GRAMD4: variants seen among roughly 807,000 people sequenced by gnomAD.
The protein encoded by GRAMD4 is GRAM domain-containing protein 4.
In GRAMD4, 25 loss-of-function variants were observed where a neutral mutation model predicts 83.9. The ratio of observed to expected loss-of-function variants is 0.30; its 90% CI spans 0.22 to 0.42. GRAMD4 has a LOEUF of 0.42. Among genes scored for constraint, GRAMD4 ranks in the 10% least tolerant of loss-of-function variants. GRAMD4 has a pLI of 1.00. For missense variants in GRAMD4, 593 were observed against 788.7 expected (o/e 0.75, Z 2.97); for synonymous variants, 336 against 320.9 (o/e 1.05, Z -0.50).
rs2082637002 is a variant in GRAMD4 at position 46,678,865 on chromosome 22, C to T, written c.*1614C>T. 1 of 985,936 alleles carries T rather than the reference C, an allele frequency of 1.0e-6. No homozygotes were observed. The highest frequency in any genetic ancestry group is 6.1e-5 in the Admixed American group (1 of 16,272). The allele number at this position is 985,936 out of a possible 1,614,324, so 61.1% of individuals were successfully genotyped here. A position where few individuals can be genotyped will look rare whatever the true frequency, so the allele number is the denominator to read the frequency against. Reference sequence around the variant, plus strand: ...GCTGCGCCGATCACCAGATTAAGCACATGTCCTATCCCAGGCGGTGGAGCG... The same window carrying T: ...GCTGCGCCGATCACCAGATTAAGCATATGTCCTATCCCAGGCGGTGGAGCG... On this transcript the variant is annotated 3_prime_UTR_variant, in exon 19 of 19. Coordinates refer to ENST00000406902, the MANE Select transcript of GRAMD4 (RefSeq NM_015124.5).
chr22:46,670,938 G>A lies in GRAMD4; in HGVS notation c.1085-1905G>A, dbSNP rs1347925890. On this transcript the variant is annotated intron_variant, in intron 13 of 18. Transcript: ENST00000406902. ...TTTTTTGTGACACCCAGTGTGGTTT[G>A]GGTTCTCACAACCACCCTGAGATCA... The A allele has an allele frequency of 2.6e-5, 7 of 267,492 alleles. No homozygotes were observed. The East Asian group carries it at 7.0e-4, about 27-fold the overall frequency. The allele number at this position is 267,492 out of a possible 1,614,324, so 16.6% of individuals were successfully genotyped here. A position where few individuals can be genotyped will look rare whatever the true frequency, so the allele number is the denominator to read the frequency against.
intron 1 of GRAMD4, among the ~76,000 whole-genome samples, chr22:46,624,239 G>T (rs186384473): frequency 1.5e-5 from 2 of 133,784 alleles, no homozygotes; most frequent in East Asian, 2.2e-4. Flanking sequence ...TTTTTACTTA[G>T]TGGCTTTTTT....
intron 1 of GRAMD4, among the ~76,000 whole-genome samples, chr22:46,608,957 C>T (rs368697652): frequency 2.0e-5 from 3 of 151,282 alleles, no homozygotes; most frequent in East Asian, 1.9e-4. Flanking sequence ...TAGTACCAGC[C>T]GCCCCAGAGG....
At chr22:46,664,406 G>A (rs1370669793) in intron 8 of GRAMD4, among the ~76,000 whole-genome samples, 2 of 152,236 alleles carry the variant, frequency 1.3e-5, no homozygotes, top group Non-Finnish European at 2.9e-5. Context: ...CTTGGGAAAG[G>A]CCTCTTGGCA....
intron 1 of GRAMD4, among the ~76,000 whole-genome samples, chr22:46,611,922 G>A (rs934559118): frequency 7.1e-6 from 1 of 141,182 alleles, no homozygotes; most frequent in Non-Finnish European, 1.5e-5. Context: ...GTGTGAACCC[G>A]GGAAGCGGAG....
At chr22:46,660,494 G>A (rs1379254680) in intron 4 of GRAMD4, among the ~76,000 whole-genome samples, 7 of 152,186 alleles carry the variant, frequency 4.6e-5, no homozygotes, top group South Asian at 2.1e-4. Flanking sequence ...ACACATGTGC[G>A]CACACACTGC....
rs200755419 is a variant in GRAMD4, at chr22:46,584,625, G to T, written c.-50+7335G>T. Among the ~76,000 whole-genome samples the T allele has an allele frequency of 2.6e-5, 4 of 152,136 alleles. No homozygotes were observed. In the East Asian group the frequency reaches 7.7e-4, roughly 29 times the overall value. ...TGGGACCCCCCGGGAAGCAGTTCCC[G>T]ATCCCTTGGCTTCGAGCCCGGGCTC... On this transcript the variant is annotated intron_variant, in intron 1 of 1. Transcript: ENST00000431155.
At chr22:46,666,735 C>T in intron 9 of GRAMD4, 90 bp from the exon 10 acceptor site, 1 of 1,127,894 alleles carries the variant, frequency 8.9e-7, no homozygotes, top group South Asian at 1.2e-5. Flanking sequence ...CCCCTCCAAG[C>T]CCAGCTGGGC....
At chr22:46,663,984 C>T (rs1000537977) in intron 7 of GRAMD4, 42 bp from the exon 8 acceptor site, 15 of 1,581,640 alleles carry the variant, frequency 9.5e-6, no homozygotes, top group Middle Eastern at 1.7e-4. Flanking sequence ...TAAGCGGCCT[C>T]CTACCCACAG....
intron 15 of GRAMD4, among the ~76,000 whole-genome samples, chr22:46,674,269 C>A (rs896884476): frequency 6.6e-6 from 1 of 152,152 alleles, no homozygotes; most frequent in African/African-American, 2.4e-5. Flanking sequence ...GTGTGATGAG[C>A]GGCTGCAGAG....
intron 1 of GRAMD4, among the ~76,000 whole-genome samples, chr22:46,613,385 T>C (rs572970539): frequency 1.6e-4 from 24 of 152,304 alleles, no homozygotes; most frequent in African/African-American, 5.3e-4. Flanking sequence ...GCCCCGGTGG[T>C]ACTTAGGGCG....
upstream of GRAMD4, among the ~76,000 whole-genome samples, chr22:46,618,567 C>G (rs1048346620): frequency 2.0e-5 from 3 of 152,074 alleles, no homozygotes; most frequent in Non-Finnish European, 4.4e-5. The surrounding 1 kb of genome is among the most constrained non-coding windows in gnomAD (Gnocchi z 5.8). Flanking sequence ...CGTGTTGACC[C>G]GGGTGCGTGG....
rs1239249432 is a variant in GRAMD4 at position 46,577,462 on chromosome 22, G to A, written c.-50+172G>A. On this transcript the variant is annotated intron_variant, in intron 1 of 1. Transcript: ENST00000431155. Reference sequence around the variant, plus strand: ...TCCGAGCAGGGCCCTGCGCGGGCGCGCCCCGCACACGCCCCCGGGTCCCGC... The same window carrying A: ...TCCGAGCAGGGCCCTGCGCGGGCGCACCCCGCACACGCCCCCGGGTCCCGC... 6.7e-5 allele frequency among the ~76,000 whole-genome samples: 10 copies of A among 149,044 alleles called. No homozygotes were observed. In the East Asian group the frequency reaches 1.4e-3, roughly 21 times the overall value.
rs1188852809 is a variant in GRAMD4 at position 46,622,614 on chromosome 22, T to G, written c.-50+2049T>G. Among the ~76,000 whole-genome samples the G allele has an allele frequency of 6.6e-6, 1 of 152,120 alleles. No individual in the cohort carries two copies. The highest frequency in any genetic ancestry group is 1.5e-5 in the Non-Finnish European group (1 of 68,016). On this transcript the variant is annotated intron_variant, in intron 1 of 18. Transcript: ENST00000406902. The surrounding 1 kb of genome is among the most constrained non-coding windows in gnomAD (Gnocchi z 4.0). ...TAATTTATGCCACGGAGCTGCACGC[T>G]AAAAACTGGTGAAGTTGGGCTGAGC...
At chr22:46,606,741 A>G (rs2147074582) in intron 1 of GRAMD4, among the ~76,000 whole-genome samples, 1 of 152,338 alleles carries the variant, frequency 6.6e-6, no homozygotes, top group South Asian at 2.1e-4. Context: ...CCCAGTGCTG[A>G]GCATCTCTGC....
chr22:46,594,163 C>T (rs977342396), intron 1 of GRAMD4, among the ~76,000 whole-genome samples: 2 of 151,848 alleles, frequency 1.3e-5, no homozygotes, highest in African/African-American at 4.8e-5. Context: ...CAGCCCCTCC[C>T]CAGCTGCCCC....
chr22:46,615,763 CTT>C (rs1157576853), upstream of GRAMD4, among the ~76,000 whole-genome samples: 3 of 5,484 alleles, frequency 5.5e-4, 1 homozygote, highest in Admixed American at 3.5e-3. Flanking sequence ...TAGGTTCCCC[CTT>C]GTGTAGGTTC....
At chr22:46,645,963 A>G (rs2082066593) in intron 3 of GRAMD4, among the ~76,000 whole-genome samples, 1 of 152,182 alleles carries the variant, frequency 6.6e-6, no homozygotes, top group Non-Finnish European at 1.5e-5. Flanking sequence ...CCTCTACCCA[A>G]GAGCACTGTG....
In GRAMD4 at chr22:46,602,184, C is replaced by T. The variant is rs143666035; in HGVS notation, c.-49-24567C>T. On this transcript the variant is annotated intron_variant, in intron 1 of 1. Transcript: ENST00000431155. ...TCATGAAAACGATGCTGCCGGGAGA[C>T]GGCCTTGCCCCACCGCCATCGTGCG... Among the ~76,000 whole-genome samples, 309 of 152,310 alleles carry T rather than the reference C, an allele frequency of 2.0e-3. 1 individual carries two copies. The highest frequency in any genetic ancestry group is 3.6e-3 in the Admixed American group (55 of 15,300).
Sources: allele counts gnomAD v4.1 joint callset (sites outside exome capture counted in the v4.1 genomes callset), GRCh38; gene constraint gnomAD v4.1.1; non-coding constraint Gnocchi (gnomAD v3.1); transcripts MANE v1.5; gene names NCBI Gene and HGNC (gene_info 2026-07-23, HGNC 2026-07-21).